Variants in ERBB2 observed in about 807,000 individuals in gnomAD.
ERBB2 encodes the protein receptor tyrosine-protein kinase erbB-2.
In ERBB2, 61 loss-of-function variants were observed where a neutral mutation model predicts 149.0. That is an observed-to-expected ratio of 0.41 (90% CI 0.33 to 0.51). ERBB2 has a LOEUF of 0.51. Among genes scored for constraint, ERBB2 ranks in the 20% least tolerant of loss-of-function variants. The pLI, the probability that ERBB2 is intolerant of heterozygous loss-of-function variation, is 0.25. For synonymous variants in ERBB2, 633 were observed against 678.8 expected (o/e 0.93, Z 1.05); for missense variants, 1,205 against 1,655.1 (o/e 0.73, Z 4.72).
chr17:39,709,237 T>C (rs2145464414), intron 3 of ERBB2, 81 bp from the exon 4 acceptor site: 1 of 1,548,802 alleles, frequency 6.5e-7, no homozygotes. Flanking sequence ...CCTGCTCCTC[T>C]TTTAGAAGGC....
chr17:39,691,557 ATATAT>A (rs1451615069), upstream of ERBB2, among the ~76,000 whole-genome samples: 1 of 58,426 alleles, frequency 1.7e-5, no homozygotes, highest in Non-Finnish European at 4.0e-5. Flanking sequence ...AAAAAAAAAA[ATATAT>A]ATATATATAT....
rs374346714 is a variant in ERBB2 at position 39,726,775 on chromosome 17, C to G, written c.2971-40C>G. ...CCCTCACGGAAGGCTGCATGCTGGG[C>G]TGGGGAGGGGCCACCATCCTGCCTC... On this transcript the variant is annotated intron_variant, in intron 24 of 26. Transcript: ENST00000269571. The surrounding 1 kb of genome is among the most constrained non-coding windows in gnomAD (Gnocchi z 5.1). 19 of 1,599,352 alleles carry G rather than the reference C, an allele frequency of 1.2e-5. No individual in the cohort carries two copies. Among genetic ancestry groups the G allele is most frequent in the Non-Finnish European group, 1.5e-5 (18 of 1,167,450 alleles).
upstream of ERBB2, among the ~76,000 whole-genome samples, chr17:39,694,288 T>C (rs2904767): frequency 0.34 from 20,498 of 60,356 alleles, 5,241 homozygotes; most frequent in Middle Eastern, 0.53. Flanking sequence ...TATATATATA[T>C]ACACATATAT....
chr17:39,722,241 A>G (rs550395727), intron 16 of ERBB2, among the ~76,000 whole-genome samples: 49 of 152,168 alleles, frequency 3.2e-4, no homozygotes, highest in African/African-American at 1.0e-3. Context: ...CGTGGCTCAC[A>G]CCTGTAATCC....
chr17:39,712,273 G>A lies in ERBB2; in HGVS notation c.1022-49G>A, dbSNP rs541266218. 110 of 1,611,228 alleles carry A rather than the reference G, an allele frequency of 6.8e-5. 1 individual carries two copies. In the South Asian group the frequency reaches 1.1e-3, roughly 16 times the overall value. On this transcript the variant is annotated intron_variant, in intron 8 of 26. Transcript: ENST00000269571. ...GCTCATGTGGCTGTTGACCTGTCCC[G>A]GTATGAAGGCTGAGACGGCCCCTTC... is the stretch of plus-strand genomic sequence containing the variant.
rs964231353 is a variant in ERBB2 at position 39,716,955 on chromosome 17, C to T, written c.1737+350C>T. 6.6e-6 allele frequency: 3 copies of T among 451,914 alleles called. No individual in the cohort carries two copies. In the Admixed American group the frequency reaches 1.1e-4, roughly 16 times the overall value. 28.0% of individuals were successfully genotyped at this position (451,914 alleles called of 1,614,324 possible). ...TCCTAAAATGGGTATTGTAATAATA[C>T]CTACCTTGCTGGGGTGTGGCAAGAA... On this transcript the variant is annotated intron_variant, in intron 14 of 26. Coordinates refer to ENST00000269571, the MANE Select transcript of ERBB2 (RefSeq NM_004448.4).
chr17:39,722,227 G>A (rs532086362), intron 16 of ERBB2, among the ~76,000 whole-genome samples: 130 of 152,252 alleles, frequency 8.5e-4, no homozygotes, highest in African/African-American at 3.1e-3. Context: ...ACATAGCCAG[G>A]CACCGTGGCT....
chr17:39,721,463 G>A (rs111947409), intron 16 of ERBB2, among the ~76,000 whole-genome samples: 6,087 of 152,092 alleles, frequency 0.04, 192 homozygotes, highest in African/African-American at 0.085. Context: ...TAGTAGAGAT[G>A]AGGTTTTGCC....
intron 15 of ERBB2, among the ~76,000 whole-genome samples, chr17:39,718,103 T>C (rs984620635): frequency 5.9e-5 from 9 of 152,218 alleles, no homozygotes; most frequent in African/African-American, 2.2e-4. Context: ...TGAGCCACCA[T>C]GCCCAGTCAT....
chr17:39,715,409 C>G (rs1307348624), intron 10 of ERBB2, 37 bp from the exon 11 acceptor site: 1 of 1,613,526 alleles, frequency 6.2e-7, no homozygotes, highest in Non-Finnish European at 8.5e-7. Flanking sequence ...AGTCCTTGTC[C>G]TGTCCCCACT....
rs1339699654 is a variant in ERBB2 at position 39,727,091 on chromosome 17, A to G, written c.3159+88A>G. 3.0e-6 allele frequency: 4 copies of G among 1,329,944 alleles called. No individual in the cohort carries two copies. The highest frequency in any genetic ancestry group is 1.5e-5 in the African/African-American group (1 of 68,134). The allele number at this position is 1,329,944 out of a possible 1,614,324, so 82.4% of individuals were successfully genotyped here. A position where few individuals can be genotyped will look rare whatever the true frequency, so the allele number is the denominator to read the frequency against. On this transcript the variant is annotated intron_variant, in intron 25 of 26. Transcript: ENST00000269571. The surrounding 1 kb of genome is among the most constrained non-coding windows in gnomAD (Gnocchi z 4.3). ...GGTCCCTTTCTCTGATGTTCCCTCAACTGTCACCTCTCAAGGAAACCCCAT... is the reference window on the plus strand; with the variant it reads ...GGTCCCTTTCTCTGATGTTCCCTCAGCTGTCACCTCTCAAGGAAACCCCAT...
chr17:39,715,830 C>G lies in ERBB2; in HGVS notation c.1404C>G (p.Ile468Met), dbSNP rs2059090107. ...AACTGGGCAGTGGACTGGCCCTCAT[C>G]CACCATAACACCCACCTCTGCTTCG... ...LRELGSGLAL[I>M]HHNTHLCFVH... The change falls in exon 12 of 27, where the codon ATC (isoleucine) becomes ATG (methionine). Residue 468 changes from isoleucine to methionine, a missense_variant. Ile to Met is a conservative substitution (Grantham distance 10). Coordinates refer to ENST00000269571, the MANE Select transcript of ERBB2 (RefSeq NM_004448.4). 2.5e-6 allele frequency: 4 copies of G among 1,611,970 alleles called. No homozygotes were observed. In the East Asian group the frequency reaches 8.9e-5, roughly 36 times the overall value.
upstream of ERBB2, among the ~76,000 whole-genome samples, chr17:39,695,704 T>TACATACACACACAC (rs2057843003): frequency 1.0e-5 from 1 of 96,564 alleles, no homozygotes. Context: ...GGTGCATGCA[T>TACATACACACACAC]ACACACACAC....
intron 9 of ERBB2, among the ~76,000 whole-genome samples, chr17:39,714,799 C>T (rs1212309116): frequency 2.0e-5 from 3 of 147,332 alleles, no homozygotes; most frequent in Admixed American, 6.9e-5. Context: ...GAGACAGAGT[C>T]TCGCTTTATC....
rs1428787486 is a variant in ERBB2, at chr17:39,728,098, G to C, written c.*54G>C. On this transcript the variant is annotated 3_prime_UTR_variant, in exon 27 of 27. Transcript: ENST00000269571. ...GATGTGTCCTCAGGGAGCAGGGAAG[G>C]CCTGACTTCTGCTGGCATCAAGAGG... 7.6e-7 allele frequency: 1 copy of C among 1,316,436 alleles called. No individual in the cohort carries two copies. 81.5% of individuals were successfully genotyped at this position (1,316,436 alleles called of 1,614,324 possible). A position where few individuals can be genotyped will look rare whatever the true frequency, so the allele number is the denominator to read the frequency against.
At chr17:39,690,664 A>G (rs765147782), upstream of ERBB2, among the ~76,000 whole-genome samples, 2 of 152,240 alleles carry the variant, frequency 1.3e-5, no homozygotes, top group South Asian at 2.1e-4. Flanking sequence ...TCTCTTCCCA[A>G]CTTTCTAGCC....
At position 39,727,234 on chromosome 17, in the gene ERBB2, A is replaced by G. The variant is rs2059821651; in HGVS notation, c.3160-61A>G. ...TTCTCCTGTGACCCTGTCACCTTCC[A>G]TGGAGTCCCCATCCCAGATCCGTGA... On this transcript the variant is annotated intron_variant, in intron 25 of 26. Transcript: ENST00000269571. The surrounding 1 kb of genome is among the most constrained non-coding windows in gnomAD (Gnocchi z 4.3). 7.6e-6 allele frequency: 12 copies of G among 1,585,438 alleles called. No individual in the cohort carries two copies. The highest frequency in any genetic ancestry group is 9.4e-6 in the Non-Finnish European group (11 of 1,166,034).
At chr17:39,695,701 G>GCACACACACA (rs1226871960), upstream of ERBB2, among the ~76,000 whole-genome samples, 7 of 41,812 alleles carry the variant, frequency 1.7e-4, no homozygotes, top group Non-Finnish European at 2.7e-4. Context: ...TTTGGTGCAT[G>GCACACACACA]CATACACACA....
chr17:39,700,294 G>C lies in ERBB2; in HGVS notation c.56G>C (p.Gly19Ala), dbSNP rs993479758. Reference sequence around the variant, plus strand: ...CTCCTCCTCGCCCTCTTGCCCCCCGGAGCCGCGAGCACCCAAGGTGGGTCT... The same window carrying C: ...CTCCTCCTCGCCCTCTTGCCCCCCGCAGCCGCGAGCACCCAAGGTGGGTCT... Reference protein sequence around the residue: ...WGLLLALLPPGAASTQVCTGT... With the variant: ...WGLLLALLPPAAASTQVCTGT... The change falls in exon 1 of 27, where the codon GGA becomes GCA. Residue 19 changes from glycine (G) to alanine (A), a missense_variant. Gly to Ala is a moderately conservative substitution (Grantham distance 60, BLOSUM62 0). Transcript: ENST00000269571. 1.4e-6 allele frequency: 2 copies of C among 1,427,814 alleles called. No individual in the cohort carries two copies. Among genetic ancestry groups the C allele is most frequent in the African/African-American group, 3.0e-5 (2 of 67,570 alleles). 88.4% of individuals were successfully genotyped at this position (1,427,814 alleles called of 1,614,324 possible).
Sources: allele counts gnomAD v4.1 joint callset (sites outside exome capture counted in the v4.1 genomes callset), GRCh38; gene constraint gnomAD v4.1.1; non-coding constraint Gnocchi (gnomAD v3.1); transcripts MANE v1.5; gene names NCBI Gene and HGNC (gene_info 2026-07-23, HGNC 2026-07-21).